The following IL10RB variants were observed in gnomAD, a reference collection of about 807,000 sequenced individuals.
IL10RB encodes interleukin 10 receptor subunit beta.
A neutral mutation model predicts 38.7 loss-of-function variants in IL10RB; 30 were observed. That is an observed-to-expected ratio of 0.78 (90% CI 0.58 to 1.05). The LOEUF (loss-of-function observed/expected upper bound fraction) is 1.05, where lower values mean the gene tolerates loss of function less well. Ranked by LOEUF, IL10RB falls within the 50% of genes least tolerant of loss-of-function variation. The probability of loss-of-function intolerance (pLI) is 0.00; values close to 1 mark genes in which losing one functional copy is unlikely to be tolerated. For missense variants in IL10RB, 328 were observed against 397.1 expected, an observed-to-expected ratio of 0.83 and a Z score of 1.48; for synonymous variants, 142 against 145.9, an observed-to-expected ratio of 0.97 and a Z score of 0.19.
chr21:33,280,685 G>C (rs1989264168), intron 4 of IL10RB, among the ~76,000 whole-genome samples: 1 of 152,006 alleles, frequency 6.6e-6, no homozygotes. Context: ...TGCCATTCAT[G>C]GTCCTAAACT....
downstream of IL10RB, among the ~76,000 whole-genome samples, chr21:33,301,112 G>A (rs534953778): frequency 6.6e-6 from 1 of 152,280 alleles, no homozygotes; most frequent in Admixed American, 6.5e-5. Context: ...GAGAATGACT[G>A]GGCATGCTGC....
chr21:33,268,361 A>G (rs755389055), intron 1 of IL10RB, 33 bp from the exon 2 acceptor site: 5 of 1,614,018 alleles, frequency 3.1e-6, no homozygotes, highest in Non-Finnish European at 2.5e-6. Flanking sequence ...TTTGAGGAGA[A>G]AAGTTGTAAA....
intron 6 of IL10RB, among the ~76,000 whole-genome samples, chr21:33,295,598 G>A (rs1484142979): frequency 6.6e-6 from 1 of 150,442 alleles, no homozygotes; most frequent in Non-Finnish European, 1.5e-5. Context: ...CTGGAACCTG[G>A]GAGGCAAAGG....
downstream of IL10RB, among the ~76,000 whole-genome samples, chr21:33,301,873 C>T (rs1601841405): frequency 6.6e-6 from 1 of 152,198 alleles, no homozygotes; most frequent in Non-Finnish European, 1.5e-5. Context: ...TGGTCTGGCT[C>T]CAGACTCAAT....
chr21:33,303,178 C>T (rs1000357908), intron 1 of IL10RB, among the ~76,000 whole-genome samples: 8 of 152,098 alleles, frequency 5.3e-5, no homozygotes, highest in Non-Finnish European at 1.2e-4. Context: ...GTCCTCTCTC[C>T]CTCCCGCTAG....
chr21:33,268,315 C>G (rs988689785), intron 1 of IL10RB, 79 bp from the exon 2 acceptor site: 2 of 1,604,456 alleles, frequency 1.2e-6, no homozygotes, highest in Middle Eastern at 1.7e-4. Flanking sequence ...AGAGGAGAAC[C>G]AAGTGCTGGA....
downstream of IL10RB, among the ~76,000 whole-genome samples, chr21:33,298,761 C>T (rs1439000130): frequency 6.6e-6 from 1 of 152,186 alleles, no homozygotes; most frequent in African/African-American, 2.4e-5. Flanking sequence ...GGTTAGGATA[C>T]AAGCCTGAAA....
Position 33,295,282 on chromosome 21 carries a change from C to T in IL10RB, c.805-902C>T, listed in dbSNP as rs539014061. Among the ~76,000 whole-genome samples the T allele has an allele frequency of 2.8e-5, 4 of 144,860 alleles. No homozygotes were observed. In the South Asian group the frequency reaches 6.6e-4, roughly 24 times the overall value. ...CTGAGGCAGGGGAGTGGCGTGAACCCGAGAGGTGGAGGTTCCAGTGAGCTG... is the reference window on the plus strand; with the variant it reads ...CTGAGGCAGGGGAGTGGCGTGAACCTGAGAGGTGGAGGTTCCAGTGAGCTG... On this transcript the variant is annotated intron_variant, in intron 6 of 6. Coordinates refer to ENST00000290200, the MANE Select transcript of IL10RB (RefSeq NM_000628.5).
chr21:33,306,218 C>T (rs906242269), intron 1 of IL10RB, among the ~76,000 whole-genome samples: 1 of 152,102 alleles, frequency 6.6e-6, no homozygotes, highest in African/African-American at 2.4e-5. Context: ...GATGGAAGGC[C>T]TACAGCACCC....
Position 33,288,204 on chromosome 21 carries a change from C to G in IL10RB, c.747C>G (p.Tyr249Ter). 2 of 1,614,048 alleles carry G rather than the reference C, an allele frequency of 1.2e-6. No individual in the cohort carries two copies. The highest frequency in any genetic ancestry group is 1.7e-6 in the Non-Finnish European group (2 of 1,179,934). The change falls in exon 6 of 7, where the codon TAC (tyrosine) becomes TAG (stop). Residue 249 changes from tyrosine (Y) to a stop codon, truncating the protein, a stop_gained. Transcript: ENST00000290200. LOFTEE classifies it high-confidence loss of function. ...LGCFALLWCV[Y>*]KKTKYAFSPR... ...GCTTCGCCTTGCTGTGGTGCGTTTACAAGAAGACAAAGTACGCCTTCTCCC... is the reference window on the plus strand; with the variant it reads ...GCTTCGCCTTGCTGTGGTGCGTTTAGAAGAAGACAAAGTACGCCTTCTCCC...
At chr21:33,266,579 A>C in intron 1 of IL10RB, 65 bp downstream of exon 1, 1 of 1,480,616 alleles carries the variant, frequency 6.8e-7, no homozygotes, top group Non-Finnish European at 9.1e-7. Flanking sequence ...GCCGCCCCTG[A>C]TCCCATCCCT....
intron 4 of IL10RB, 39 bp from the exon 5 acceptor site, chr21:33,283,055 A>T: frequency 6.4e-7 from 1 of 1,560,642 alleles, no homozygotes; most frequent in African/African-American, 1.4e-5. Context: ...GTGCCCTTCC[A>T]CTGCTTAGTC....
At chr21:33,298,198 A>G (rs1277711438), downstream of IL10RB, among the ~76,000 whole-genome samples, 1 of 152,222 alleles carries the variant, frequency 6.6e-6, no homozygotes, top group Non-Finnish European at 1.5e-5. Context: ...TCACACCAAC[A>G]TCAAGACTCG....
intron 5 of IL10RB, among the ~76,000 whole-genome samples, chr21:33,284,062 G>A (rs1049128841): frequency 1.3e-5 from 2 of 152,120 alleles, no homozygotes; most frequent in African/African-American, 2.4e-5. Context: ...TTGAGAGGCC[G>A]AGGCGGGCGG....
chr21:33,308,003 A>C (rs1381268361), intron 1 of IL10RB, among the ~76,000 whole-genome samples: 2 of 152,210 alleles, frequency 1.3e-5, no homozygotes, highest in Non-Finnish European at 2.9e-5. Context: ...TGAATGAATG[A>C]ATGCTCAGGA....
chr21:33,300,842 G>C (rs1234196858), downstream of IL10RB, among the ~76,000 whole-genome samples: 1 of 152,206 alleles, frequency 6.6e-6, no homozygotes, highest in Non-Finnish European at 1.5e-5. Flanking sequence ...ATCTTGAAGA[G>C]GGGCTGGGTA....
At chr21:33,288,573 A>G (rs1402037633) in intron 6 of IL10RB, among the ~76,000 whole-genome samples, 2 of 152,158 alleles carry the variant, frequency 1.3e-5, no homozygotes, top group Non-Finnish European at 2.9e-5. Flanking sequence ...AGCAAAGGTG[A>G]TGGTTCTAGG....
intron 3 of IL10RB, among the ~76,000 whole-genome samples, chr21:33,279,511 A>G (rs1989240644): frequency 6.6e-6 from 1 of 152,250 alleles, no homozygotes; most frequent in African/African-American, 2.4e-5. Flanking sequence ...TTCCAAATGT[A>G]TCAGAAACCA....
Position 33,296,359 on chromosome 21 carries a change from CT to C in IL10RB, c.*3del, listed in dbSNP as rs764763018. ...CCTGGGCAGGGGCCCCAAAGCTAGG[CT>C]CTGAGAAGGAAACACACTCGGCTGG... On this transcript the variant is annotated 3_prime_UTR_variant, in exon 7 of 7. Transcript: ENST00000290200. 1 of 1,612,960 alleles carries C rather than the reference CT, an allele frequency of 6.2e-7. No homozygotes were observed. Among genetic ancestry groups the C allele is most frequent in the Non-Finnish European group, 8.5e-7 (1 of 1,179,874 alleles).
Sources: gnomAD v4.1 joint callset for allele counts (sites outside exome capture counted in the v4.1 genomes callset) on GRCh38, gnomAD v4.1.1 for gene constraint, MANE v1.5 for transcripts, NCBI Gene and HGNC (gene_info 2026-07-23, HGNC 2026-07-21) for gene names.